FGFR1OP2: variants seen among roughly 807,000 people sequenced by gnomAD.
FGFR1OP2 encodes FGFR1 oncogene partner 2.
In FGFR1OP2, 17 loss-of-function variants were observed where a neutral mutation model predicts 35.2. That is an observed-to-expected ratio of 0.48 (90% confidence interval 0.33 to 0.73). FGFR1OP2 has a LOEUF of 0.73. Ranked by LOEUF, FGFR1OP2 falls within the 30% of genes least tolerant of loss-of-function variation. The pLI is 0.02. For synonymous variants in FGFR1OP2, 105 were observed against 104.6 expected (o/e 1.00, Z -0.03); for missense variants, 251 against 307.3 (o/e 0.82, Z 1.37).
intron 2 of FGFR1OP2, among the ~76,000 whole-genome samples, chr12:26,955,834 T>C (rs1026984014): frequency 2.6e-5 from 4 of 152,200 alleles, no homozygotes; most frequent in Admixed American, 2.0e-4. Flanking sequence ...TGGGTATATA[T>C]GTAGAAGTAG....
At chr12:26,946,641 C>G (rs946716890) in intron 1 of FGFR1OP2, among the ~76,000 whole-genome samples, 5 of 152,162 alleles carry the variant, frequency 3.3e-5, no homozygotes, top group African/African-American at 1.2e-4. Flanking sequence ...CACTCTAGCT[C>G]TTTTCTTAAA....
intron 5 of FGFR1OP2, chr12:26,962,591 G>C: frequency 6.6e-6 from 1 of 151,850 alleles, no homozygotes; most frequent in East Asian, 1.9e-4. Flanking sequence ...TTCAGATCAG[G>C]GGACATGTCT....
intron 1 of FGFR1OP2, among the ~76,000 whole-genome samples, chr12:26,951,332 T>G (rs956465660): frequency 3.3e-5 from 5 of 151,948 alleles, no homozygotes; most frequent in South Asian, 2.1e-4. Flanking sequence ...TATTTATTTA[T>G]TTAGTTAGTT....
chr12:26,958,897 A>G (rs1939063001), intron 4 of FGFR1OP2, among the ~76,000 whole-genome samples: 1 of 152,184 alleles, frequency 6.6e-6, no homozygotes, highest in South Asian at 2.1e-4. Flanking sequence ...GCTGACTATT[A>G]TTATTACCAA....
intron 2 of FGFR1OP2, 27 bp downstream of exon 2, chr12:26,954,320 C>T: frequency 6.4e-7 from 1 of 1,565,548 alleles, no homozygotes; most frequent in Non-Finnish European, 8.7e-7. Flanking sequence ...TTGTTCATTC[C>T]ATTTATCAAA....
intron 1 of FGFR1OP2, among the ~76,000 whole-genome samples, chr12:26,941,630 A>G (rs1412443949): frequency 6.6e-6 from 1 of 152,258 alleles, no homozygotes; most frequent in South Asian, 2.1e-4. Context: ...GTGGATATTA[A>G]TTACAACTTT....
At chr12:26,951,219 C>G (rs182824859) in intron 1 of FGFR1OP2, among the ~76,000 whole-genome samples, 47 of 151,626 alleles carry the variant, frequency 3.1e-4, no homozygotes, top group African/African-American at 1.1e-3. Flanking sequence ...GGTGCTATGG[C>G]TCACTGCAAC....
Position 26,957,700 on chromosome 12 carries a change from A to G in FGFR1OP2, c.353A>G (p.Asp118Gly), listed in dbSNP as rs1211052717. ...AGATTGCTAATGGCTAGCAAAAAAGATGATCCGGGTATAATAATGAAGTTA... is the reference window on the plus strand; with the variant it reads ...AGATTGCTAATGGCTAGCAAAAAAGGTGATCCGGGTATAATAATGAAGTTA... ...MFRLLMASKK[D>G]DPGIIMKLKE... The change falls in exon 4 of 7, where the codon GAT (aspartate) becomes GGT (glycine). Residue 118 changes from aspartate (D) to glycine (G), a missense_variant. By Grantham distance (94) the Asp-to-Gly change is moderately conservative. Transcript: ENST00000229395. The G allele has an allele frequency of 3.1e-6, 5 of 1,613,728 alleles. No individual in the cohort carries two copies. The highest frequency in any genetic ancestry group is 2.7e-5 in the African/African-American group (2 of 74,904).
At chr12:26,942,544 T>C (rs887038927) in intron 1 of FGFR1OP2, among the ~76,000 whole-genome samples, 3 of 152,284 alleles carry the variant, frequency 2.0e-5, no homozygotes, top group Admixed American at 1.3e-4. Context: ...AGAAGGCAAA[T>C]AGGTGAAGCA....
chr12:26,957,265 A>AC (rs1939036563), intron 3 of FGFR1OP2, among the ~76,000 whole-genome samples: 1 of 152,056 alleles, frequency 6.6e-6, no homozygotes, highest in Admixed American at 6.6e-5. Context: ...ACATCTCTTA[A>AC]ATCTATTTGA....
At chr12:26,943,879 A>T (rs1211346970) in intron 1 of FGFR1OP2, among the ~76,000 whole-genome samples, 1 of 152,152 alleles carries the variant, frequency 6.6e-6, no homozygotes, top group Non-Finnish European at 1.5e-5. Context: ...CCAGTCCATG[A>T]ACACAGTATG....
intron 1 of FGFR1OP2, among the ~76,000 whole-genome samples, chr12:26,951,858 A>T (rs894291560): frequency 2.0e-5 from 3 of 152,318 alleles, no homozygotes; most frequent in South Asian, 2.1e-4. Flanking sequence ...GGTTCTTCTT[A>T]TAGTAGTCCC....
chr12:26,955,926 G>A (rs927329524), intron 2 of FGFR1OP2, among the ~76,000 whole-genome samples: 1 of 152,122 alleles, frequency 6.6e-6, no homozygotes, highest in African/African-American at 2.4e-5. Flanking sequence ...TGCCAAGCTT[G>A]TCCGACCTGT....
At position 26,965,728 on chromosome 12, in the gene FGFR1OP2, C is replaced by T. The variant is rs1455641598; in HGVS notation, c.*995C>T. On this transcript the variant is annotated 3_prime_UTR_variant, in exon 7 of 7. Coordinates refer to ENST00000229395, the MANE Select transcript of FGFR1OP2 (RefSeq NM_015633.3). Reference sequence around the variant, plus strand: ...ATCTGTTTTTAAGCTCCATCTGGTCCTCATAACCTGCAAGATTTTTCTTAA... The same window carrying T: ...ATCTGTTTTTAAGCTCCATCTGGTCTTCATAACCTGCAAGATTTTTCTTAA... 6.9e-6 allele frequency: 1 copy of T among 144,398 alleles called. No homozygotes were observed. The highest frequency in any genetic ancestry group is 6.7e-5 in the Admixed American group (1 of 14,888). The allele number at this position is 144,398 out of a possible 1,614,324, so 8.9% of individuals were successfully genotyped here.
At chr12:26,956,031 A>T (rs111752257) in intron 2 of FGFR1OP2, among the ~76,000 whole-genome samples, 2,254 of 145,434 alleles carry the variant, frequency 0.015, 31 homozygotes, top group African/African-American at 0.04. Context: ...TTTTTTTTTT[A>T]AAAAAAAGCT....
At position 26,938,661 on chromosome 12, in the gene FGFR1OP2, G is replaced by C. The variant is rs905300110; in HGVS notation, c.-64G>C. On this transcript the variant is annotated 5_prime_UTR_variant, in exon 1 of 7. Transcript: ENST00000229395. ...GTGCATAGGTCCCGGTTGGTAGAGG[G>C]TTTGAGTCCGCATCGCCACAGCTGA... The C allele has an allele frequency of 2.6e-5, 4 of 152,504 alleles. No homozygotes were observed. The highest frequency in any genetic ancestry group is 9.6e-5 in the African/African-American group (4 of 41,452). 9.4% of individuals were successfully genotyped at this position (152,504 alleles called of 1,614,324 possible). A position where few individuals can be genotyped will look rare whatever the true frequency, so the allele number is the denominator to read the frequency against.
At chr12:26,957,295 A>G (rs1030942154) in intron 3 of FGFR1OP2, among the ~76,000 whole-genome samples, 3 of 152,138 alleles carry the variant, frequency 2.0e-5, no homozygotes, top group African/African-American at 7.2e-5. Context: ...CCACTCTGCC[A>G]CCTACCACAT....
chr12:26,956,480 A>T (rs949263741), intron 2 of FGFR1OP2, 63 bp from the exon 3 acceptor site: 22 of 47,778 alleles, frequency 4.6e-4, no homozygotes, highest in Admixed American at 6.8e-4. Context: ...TTTATATATC[A>T]TATATATATA....
chr12:26,942,311 G>T (rs1455991470), intron 1 of FGFR1OP2, among the ~76,000 whole-genome samples: 1 of 152,216 alleles, frequency 6.6e-6, no homozygotes, highest in Non-Finnish European at 1.5e-5. Context: ...GATTACAGGC[G>T]TGAGCCACTC....
Sources: allele counts gnomAD v4.1 joint callset (sites outside exome capture counted in the v4.1 genomes callset), GRCh38; gene constraint gnomAD v4.1.1; transcripts MANE v1.5; gene names NCBI Gene and HGNC (gene_info 2026-07-23, HGNC 2026-07-21).